Variants in ZNF487 observed in about 807,000 individuals in gnomAD.
The protein encoded by ZNF487 is KRAB domain only 1.
ZNF487 carries 4 observed loss-of-function variants against 3.0 expected under a neutral mutation model. The observed-to-expected ratio is 1.35, with a 90% CI of 0.66 to 3.08. The LOEUF is 3.08. Ranked by LOEUF, ZNF487 falls within the 30% of genes most tolerant of loss-of-function variation. The pLI, the probability that ZNF487 is intolerant of heterozygous loss-of-function variation, is 0.01. For synonymous variants in ZNF487, 55 were observed against 34.6 expected (o/e 1.59, Z -2.06); for missense variants, 146 against 98.7 (o/e 1.48, Z -2.03).
At chr10:43,454,695 G>A (rs1840112922) in intron 1 of ZNF487, 1 of 152,126 alleles carries the variant, frequency 6.6e-6, no homozygotes, top group Non-Finnish European at 1.5e-5. Context: ...TAAATTGGTA[G>A]AGACTAGTCT....
chr10:43,472,041 G>A lies in ZNF487; in HGVS notation c.-93-3680G>A, dbSNP rs117208541. Among the ~76,000 whole-genome samples, 63 of 152,232 alleles carry A rather than the reference G, an allele frequency of 4.1e-4. No homozygotes were observed. In the East Asian group the frequency reaches 0.01, roughly 25 times the overall value. ...TCTTTGGCTTGGAGGTTTCACTGGG[G>A]ACCTGCCCCTATTTACCTTGGCATT... On this transcript the variant is annotated intron_variant, in intron 1 of 3. Coordinates refer to ENST00000437590, the MANE Select transcript of ZNF487 (RefSeq NM_001355444.3).
chr10:43,443,366 G>GTTTT (rs1326797006), intron 1 of ZNF487, among the ~76,000 whole-genome samples: 1 of 144,818 alleles, frequency 6.9e-6, no homozygotes, highest in Non-Finnish European at 1.5e-5. Flanking sequence ...GCTGGGCCTA[G>GTTTT]TTTTTGTTTT....
At chr10:43,460,906 G>C (rs1240458631) in intron 1 of ZNF487, among the ~76,000 whole-genome samples, 1 of 152,022 alleles carries the variant, frequency 6.6e-6, no homozygotes, top group African/African-American at 2.4e-5. Context: ...TGGCCTGGCT[G>C]GTCTTGAACT....
rs76025898 is a variant in ZNF487, at chr10:43,458,029, A to C, written c.-93-17692A>C. On this transcript the variant is annotated intron_variant, in intron 1 of 3. Transcript: ENST00000437590. ...AGAGCGAGACTCCGTCTCAATAAAA[A>C]AACAACAACAACAAAAACAAAACAA... 5.2e-3 allele frequency: 743 copies of C among 142,480 alleles called. 7 individuals are homozygous for C. Among genetic ancestry groups the C allele is most frequent in the African/African-American group, 0.019 (702 of 37,870 alleles). 8.8% of individuals were successfully genotyped at this position (142,480 alleles called of 1,614,324 possible).
At chr10:43,462,540 T>C (rs1204805041) in intron 1 of ZNF487, among the ~76,000 whole-genome samples, 1 of 150,998 alleles carries the variant, frequency 6.6e-6, no homozygotes. Context: ...ACTGCAACCT[T>C]GGCCTCCTGG....
At chr10:43,465,069 C>T (rs1294782483) in intron 1 of ZNF487, among the ~76,000 whole-genome samples, 31 of 142,824 alleles carry the variant, frequency 2.2e-4, no homozygotes, top group African/African-American at 7.6e-4. Flanking sequence ...ACCTCCCTCC[C>T]GGGGCGGCTG....
downstream of ZNF487, among the ~76,000 whole-genome samples, chr10:43,486,616 G>A (rs764265077): frequency 2.6e-5 from 4 of 151,952 alleles, no homozygotes; most frequent in Non-Finnish European, 5.9e-5. Context: ...AGGCAAATAA[G>A]AGCACCTTTA....
intron 1 of ZNF487, among the ~76,000 whole-genome samples, chr10:43,444,860 G>A (rs1291922221): frequency 6.6e-6 from 1 of 152,142 alleles, no homozygotes; most frequent in Non-Finnish European, 1.5e-5. Flanking sequence ...GTGAGCCACT[G>A]CAGCTGGCCT....
At chr10:43,460,786 G>A (rs1441476121) in intron 1 of ZNF487, among the ~76,000 whole-genome samples, 4 of 151,010 alleles carry the variant, frequency 2.6e-5, no homozygotes, top group Middle Eastern at 3.5e-3. Context: ...TTTGCCTCCC[G>A]AGTTCAAGCG....
chr10:43,470,235 C>G (rs184360137), intron 1 of ZNF487, among the ~76,000 whole-genome samples: 1 of 152,028 alleles, frequency 6.6e-6, no homozygotes, highest in African/African-American at 2.4e-5. Flanking sequence ...GTTGCGGGAA[C>G]AGTGTTTTAC....
intron 1 of ZNF487, among the ~76,000 whole-genome samples, chr10:43,457,810 C>T (rs1267256188): frequency 6.6e-6 from 1 of 152,054 alleles, no homozygotes; most frequent in Non-Finnish European, 1.5e-5. Context: ...ATCACGAGGT[C>T]AGGAGATCGA....
At chr10:43,518,649 C>T in the ZNF487 span, among the ~76,000 whole-genome samples, 1 of 152,126 alleles carries the variant, frequency 6.6e-6, no homozygotes, top group African/African-American at 2.4e-5. Context: ...CTGTTTCTGG[C>T]ATGAAGCCTG....
chr10:43,521,864 C>CATATATA, the ZNF487 span, among the ~76,000 whole-genome samples: 1 of 150,558 alleles, frequency 6.6e-6, no homozygotes, highest in Non-Finnish European at 1.5e-5. Flanking sequence ...TATATACACA[C>CATATATA]GTATATATTA....
At position 43,481,446 on chromosome 10, in the gene ZNF487, G is replaced by T. The variant is rs763212808; in HGVS notation, c.148G>T (p.Asp50Tyr). 11 of 714,828 alleles carry T rather than the reference G, an allele frequency of 1.5e-5. No homozygotes were observed. The highest frequency in any genetic ancestry group is 2.6e-5 in the Non-Finnish European group (10 of 384,428). The allele number at this position is 714,828 out of a possible 1,614,324, so 44.3% of individuals were successfully genotyped here. A position where few individuals can be genotyped will look rare whatever the true frequency, so the allele number is the denominator to read the frequency against. Reference protein sequence around the residue: ...QSHLDCCIDDDLMEKRQENQD... With the variant: ...QSHLDCCIDDYLMEKRQENQD... Reference sequence around the variant, plus strand: ...ATTTCTAGACTGCTGCATAGATGATGACCTGATGGAGAAGAGACAGGAAAA... The same window carrying T: ...ATTTCTAGACTGCTGCATAGATGATTACCTGATGGAGAAGAGACAGGAAAA... The change falls in exon 4 of 4, where the codon GAC becomes TAC. Residue 50 changes from aspartate (D) to tyrosine (Y), a missense_variant. Physicochemically the swap from Asp to Tyr is radical, Grantham distance 160. Coordinates refer to ENST00000437590, the MANE Select transcript of ZNF487 (RefSeq NM_001355444.3).
In ZNF487 at chr10:43,450,526, G is replaced by A. The variant is rs968232221; in HGVS notation, c.-94+13264G>A. On this transcript the variant is annotated intron_variant, in intron 1 of 3. Coordinates refer to ENST00000437590, the MANE Select transcript of ZNF487 (RefSeq NM_001355444.3). ...TGCTACCACACCTGGCTAATTTTTTGTATTTTGAGTAGAGACGGGGTTTCA... is the reference window on the plus strand; with the variant it reads ...TGCTACCACACCTGGCTAATTTTTTATATTTTGAGTAGAGACGGGGTTTCA... Among the ~76,000 whole-genome samples the A allele has an allele frequency of 5.3e-5, 8 of 151,620 alleles. No individual in the cohort carries two copies. The East Asian group carries it at 1.4e-3, about 26-fold the overall frequency.
chr10:43,450,370 TGA>T (rs1230816420), intron 1 of ZNF487, among the ~76,000 whole-genome samples: 2 of 150,484 alleles, frequency 1.3e-5, no homozygotes, highest in Non-Finnish European at 3.0e-5. Flanking sequence ...TGTTTTTTTT[TGA>T]GACGGAGTCT....
intron 1 of ZNF487, among the ~76,000 whole-genome samples, chr10:43,466,031 T>A (rs980566919): frequency 5.3e-5 from 8 of 151,926 alleles, no homozygotes; most frequent in South Asian, 2.1e-4. Flanking sequence ...ACCAAAAAAA[T>A]ACGAAAACCA....
At chr10:43,457,836 C>T (rs111927854) in intron 1 of ZNF487, among the ~76,000 whole-genome samples, 63 of 152,072 alleles carry the variant, frequency 4.1e-4, no homozygotes, top group Middle Eastern at 6.8e-3. Context: ...TCTTGGCTAA[C>T]ATGGTGAAAC....
At chr10:43,462,065 G>A (rs1677657651) in intron 1 of ZNF487, among the ~76,000 whole-genome samples, 1 of 152,128 alleles carries the variant, frequency 6.6e-6, no homozygotes. Flanking sequence ...TTTTAGTTAA[G>A]GTCAGCAGTG....
Sources: allele counts gnomAD v4.1 joint callset (sites outside exome capture counted in the v4.1 genomes callset), GRCh38; gene constraint gnomAD v4.1.1; transcripts MANE v1.5; gene names NCBI Gene and HGNC (gene_info 2026-07-23, HGNC 2026-07-21).